POGZ: variants seen among roughly 807,000 people sequenced by gnomAD.
POGZ encodes the protein pogo transposable element with ZNF domain.
In POGZ, 17 loss-of-function variants were observed where a neutral mutation model predicts 134.6. That is an observed-to-expected ratio of 0.13 (90% confidence interval 0.09 to 0.19). The LOEUF is 0.19. POGZ is among the 10% of genes least tolerant of loss of function. POGZ has a pLI of 1.00. For synonymous variants in POGZ, 693 were observed against 657.1 expected, an observed-to-expected ratio of 1.05 and a Z score of -0.84; for missense variants, 1,306 against 1,769.7, an observed-to-expected ratio of 0.74 and a Z score of 4.70.
Position 151,403,879 on chromosome 1 carries a change from T to C in POGZ, c.*923A>G, listed in dbSNP as rs1300959345. 1.6e-5 allele frequency: 16 copies of C among 985,476 alleles called. No individual in the cohort carries two copies. Among genetic ancestry groups the C allele is most frequent in the Non-Finnish European group, 1.8e-5 (15 of 829,940 alleles). 61.0% of individuals were successfully genotyped at this position (985,476 alleles called of 1,614,324 possible). A position where few individuals can be genotyped will look rare whatever the true frequency, so the allele number is the denominator to read the frequency against. ...GGACTGCCCCTGGGGGCTTACAGGA[T>C]GAAGACTCAAACTGGGAATGGCTTC... On this transcript the variant is annotated 3_prime_UTR_variant, in exon 19 of 19. Transcript: ENST00000271715.
chr1:151,448,022 A>T (rs1661519767), intron 1 of POGZ, among the ~76,000 whole-genome samples: 1 of 152,136 alleles, frequency 6.6e-6, no homozygotes, highest in South Asian at 2.1e-4. Flanking sequence ...TGAGTTTCCA[A>T]GACCACAATA....
At chr1:151,444,857 A>AT (rs893204950) in intron 1 of POGZ, among the ~76,000 whole-genome samples, 14 of 151,734 alleles carry the variant, frequency 9.2e-5, no homozygotes, top group Admixed American at 1.3e-4. Flanking sequence ...ATCTCTACAA[A>AT]TTTTTTTTTA....
rs888375696 is a variant in POGZ, at chr1:151,427,889, C to A, written c.1012G>T (p.Val338Leu). 5.0e-6 allele frequency: 8 copies of A among 1,614,132 alleles called. No homozygotes were observed. The highest frequency in any genetic ancestry group is 5.9e-6 in the Non-Finnish European group (7 of 1,180,002). The change falls in exon 7 of 19, where the codon GTG becomes TTG. Residue 338 changes from valine (V) to leucine (L), a missense_variant. By Grantham distance (32) the Val-to-Leu change is conservative (BLOSUM62 1). Transcript: ENST00000271715. ...TGAGCAGAGCTGTTGTTGGACACCA[C>A]CACTGGCCCAGGACTCTGGCCCAGG... ...PSLGQSPGPV[V>L]VSNNSSAHGS...
At chr1:151,408,364 G>A in intron 14 of POGZ, 45 bp downstream of exon 14, 1 of 1,559,984 alleles carries the variant, frequency 6.4e-7, no homozygotes, top group Non-Finnish European at 8.7e-7. Context: ...AATAATCCTG[G>A]CCACCCAGTC....
intron 9 of POGZ, 75 bp downstream of exon 9, chr1:151,423,874 G>C (rs1657350229): frequency 1.7e-6 from 2 of 1,204,370 alleles, no homozygotes; most frequent in East Asian, 4.8e-5. Flanking sequence ...TCTCCAAAGA[G>C]AAAGACTTAA....
intron 3 of POGZ, among the ~76,000 whole-genome samples, chr1:151,435,924 A>C (rs1659495224): frequency 6.7e-6 from 1 of 150,230 alleles, no homozygotes; most frequent in African/African-American, 2.4e-5. Flanking sequence ...TGCAACCATC[A>C]TCATCATTAT....
intron 15 of POGZ, 138 bp from the exon 16 acceptor site, chr1:151,407,429 C>A: frequency 4.8e-6 from 3 of 620,554 alleles, no homozygotes; most frequent in Non-Finnish European, 5.8e-6. Flanking sequence ...GTTTTCCTGT[C>A]ACCATGCTTC....
intron 1 of POGZ, among the ~76,000 whole-genome samples, chr1:151,453,539 C>G (rs1662401233): frequency 6.6e-6 from 1 of 150,558 alleles, no homozygotes; most frequent in African/African-American, 2.4e-5. Flanking sequence ...ATTATGTAGG[C>G]TACCAAGGAG....
At chr1:151,417,362 CTCTT>C (rs1229472010) in intron 10 of POGZ, among the ~76,000 whole-genome samples, 8 of 148,532 alleles carry the variant, frequency 5.4e-5, no homozygotes, top group Admixed American at 2.7e-4. Context: ...GCGCCCGGCC[CTCTT>C]TTTTTTTTTT....
Position 151,425,075 on chromosome 1 carries a change from G to A in POGZ, c.1079-14C>T. On this transcript the variant is annotated splice_polypyrimidine_tract_variant and intron_variant, in intron 7 of 18. Coordinates refer to ENST00000271715, the MANE Select transcript of POGZ (RefSeq NM_015100.4). ...TGGAAGAGGTCACTGAAAGAAGTGAGAAGAATTGATAAGATTAATACAATG... is the reference window on the plus strand; with the variant it reads ...TGGAAGAGGTCACTGAAAGAAGTGAAAAGAATTGATAAGATTAATACAATG... 1 of 1,325,190 alleles carries A rather than the reference G, an allele frequency of 7.5e-7. No homozygotes were observed. The highest frequency in any genetic ancestry group is 1.1e-6 in the Non-Finnish European group (1 of 928,186). The allele number at this position is 1,325,190 out of a possible 1,614,324, so 82.1% of individuals were successfully genotyped here.
At chr1:151,429,531 G>T (rs1284062153) in intron 5 of POGZ, 72 bp downstream of exon 5, 1 of 713,798 alleles carries the variant, frequency 1.4e-6, no homozygotes, top group Non-Finnish European at 2.5e-6. Flanking sequence ...AAATGACTTA[G>T]GATATTTAGA....
At chr1:151,417,501 C>T (rs1438125962) in intron 10 of POGZ, among the ~76,000 whole-genome samples, 1 of 151,952 alleles carries the variant, frequency 6.6e-6, no homozygotes, top group African/African-American at 2.4e-5. Flanking sequence ...GCTGGGATTA[C>T]AAGTGTGCAC....
At chr1:151,439,310 C>T (rs1266760095) in intron 3 of POGZ, among the ~76,000 whole-genome samples, 1 of 152,056 alleles carries the variant, frequency 6.6e-6, no homozygotes, top group Non-Finnish European at 1.5e-5. Context: ...TACAAGGGAT[C>T]CCATTTATAA....
rs773966330 is a variant in POGZ at position 151,406,647 on chromosome 1, C to A, written c.2546-16G>T. The A allele has an allele frequency of 4.6e-5, 74 of 1,602,854 alleles. No homozygotes were observed. The highest frequency in any genetic ancestry group is 6.0e-5 in the Non-Finnish European group (70 of 1,175,538). ...CAAGTGAGTCCTATGGAAAATGAAA[C>A]AACAAAAATAGTTAGCTCAGTGAAA... On this transcript the variant is annotated splice_polypyrimidine_tract_variant and intron_variant, in intron 17 of 18. Coordinates refer to ENST00000271715, the MANE Select transcript of POGZ (RefSeq NM_015100.4).
chr1:151,458,891 T>G lies in POGZ; in HGVS notation c.-2+261A>C, dbSNP rs915670238. 9.8e-4 allele frequency among the ~76,000 whole-genome samples: 140 copies of G among 142,814 alleles called. 1 individual carries two copies. The highest frequency in any genetic ancestry group is 1.2e-3 in the Non-Finnish European group (78 of 65,414). 93.7% of individuals were successfully genotyped at this position (142,814 alleles called of 152,430 possible). On this transcript the variant is annotated intron_variant, in intron 1 of 18. Coordinates refer to ENST00000271715, the MANE Select transcript of POGZ (RefSeq NM_015100.4). ...AGGCAGGGACCTCCGCCGCCGGCCCTTCGCGCGGCTCCCGCGGCCCGGGGC... is the reference window on the plus strand; with the variant it reads ...AGGCAGGGACCTCCGCCGCCGGCCCGTCGCGCGGCTCCCGCGGCCCGGGGC...
chr1:151,440,186 C>T (rs1660303986), intron 3 of POGZ, among the ~76,000 whole-genome samples: 1 of 144,196 alleles, frequency 6.9e-6, no homozygotes, highest in African/African-American at 2.5e-5. Context: ...TTTTTTGTTC[C>T]TTTTTTTTTT....
chr1:151,459,142 G>GCTCA lies in POGZ; in HGVS notation c.-2+6_-2+9dup, dbSNP rs1663208813. On this transcript the variant is annotated intron_variant, in intron 1 of 18. Transcript: ENST00000271715. ...GGGTGGGGAGAGAGAAGGCTCGCTC[G>GCTCA]CTCACTCACCTCCTGTGGTCGTCGC... The GCTCA allele has an allele frequency of 6.6e-6, 1 of 151,122 alleles. No individual in the cohort carries two copies. 9.4% of individuals were successfully genotyped at this position (151,122 alleles called of 1,614,324 possible).
chr1:151,412,413 A>T lies in POGZ; in HGVS notation c.1679-17T>A. 7.4e-7 allele frequency: 1 copy of T among 1,352,206 alleles called. No individual in the cohort carries two copies. The highest frequency in any genetic ancestry group is 1.2e-5 in the South Asian group (1 of 83,704). 83.8% of individuals were successfully genotyped at this position (1,352,206 alleles called of 1,614,324 possible). ...TGCACTTGGCTGTAAGAAGAAAAGT[A>T]ATCAATAAATCCACTTGAAAATAAG... On this transcript the variant is annotated splice_polypyrimidine_tract_variant and intron_variant, in intron 10 of 18. Coordinates refer to ENST00000271715, the MANE Select transcript of POGZ (RefSeq NM_015100.4).
chr1:151,428,211 G>C lies in POGZ; in HGVS notation c.771C>G (p.Thr257=). Residue 257 remains threonine, a synonymous_variant, in exon 6 of 19, where the codon ACC becomes ACG. Coordinates refer to ENST00000271715, the MANE Select transcript of POGZ (RefSeq NM_015100.4). ...QQTKSTPSTS[T]TPTATQPTSL... is the part of the protein sequence containing the mutation. ...AGGTTGGCTGTGTGGCAGTGGGAGT[G>C]GTAGAAGTGCTGGGAGTGGACTTGG... 1 of 1,614,078 alleles carries C rather than the reference G, an allele frequency of 6.2e-7. No individual in the cohort carries two copies. Among genetic ancestry groups the C allele is most frequent in the South Asian group, 1.1e-5 (1 of 91,086 alleles).
Sources: gnomAD v4.1 joint callset for allele counts (sites outside exome capture counted in the v4.1 genomes callset) on GRCh38, gnomAD v4.1.1 for gene constraint, MANE v1.5 for transcripts, NCBI Gene and HGNC (gene_info 2026-07-23, HGNC 2026-07-21) for gene names.